The following DYNC1I1 variants were observed in gnomAD, a reference collection of about 807,000 sequenced individuals.
DYNC1I1 encodes dynein cytoplasmic 1 intermediate chain 1.
In DYNC1I1, 43 loss-of-function variants were observed where a neutral mutation model predicts 86.6. The observed-to-expected ratio is 0.50, with a 90% CI of 0.39 to 0.64. The LOEUF is 0.64. Ranked by LOEUF, DYNC1I1 falls within the 30% of genes least tolerant of loss-of-function variation. The probability of loss-of-function intolerance (pLI) is 0.00; values close to 1 mark genes in which losing one functional copy is unlikely to be tolerated. For missense variants in DYNC1I1, 604 were observed against 788.8 expected (o/e 0.77, Z 2.81); for synonymous variants, 262 against 283.7 (o/e 0.92, Z 0.77).
chr7:95,811,547 A>C (rs950043237), intron 3 of DYNC1I1, among the ~76,000 whole-genome samples: 2 of 152,154 alleles, frequency 1.3e-5, no homozygotes, highest in African/African-American at 4.8e-5. Context: ...TAAGCTTAAA[A>C]ATTATTAAGT....
chr7:95,853,366 C>A (rs1180257811), intron 5 of DYNC1I1, among the ~76,000 whole-genome samples: 1 of 152,142 alleles, frequency 6.6e-6, no homozygotes, highest in African/African-American at 2.4e-5. Context: ...GTCTCTCTTA[C>A]CCTCTTCTTG....
chr7:95,992,567 G>A (rs562526579), intron 9 of DYNC1I1, among the ~76,000 whole-genome samples: 4 of 152,204 alleles, frequency 2.6e-5, no homozygotes, highest in Non-Finnish European at 4.4e-5. Context: ...ACATATCAGT[G>A]TCTGGTTCAT....
chr7:95,876,418 A>G (rs1211227718), intron 6 of DYNC1I1, among the ~76,000 whole-genome samples: 3 of 152,150 alleles, frequency 2.0e-5, no homozygotes, highest in Admixed American at 6.5e-5. Flanking sequence ...TTCTCCCTCA[A>G]TTAAACTTGG....
chr7:96,065,683 G>A (rs1343905857), intron 14 of DYNC1I1, among the ~76,000 whole-genome samples: 1 of 152,014 alleles, frequency 6.6e-6, no homozygotes, highest in Non-Finnish European at 1.5e-5. Flanking sequence ...CCACCGCGCC[G>A]AGCATCCCGG....
At chr7:96,084,817 G>A (rs1163757433) in intron 16 of DYNC1I1, among the ~76,000 whole-genome samples, 4 of 152,220 alleles carry the variant, frequency 2.6e-5, no homozygotes, top group South Asian at 4.2e-4. Context: ...AGCTAAAGCC[G>A]TACTGGAGAT....
chr7:96,002,539 A>T (rs1442473156), intron 10 of DYNC1I1, among the ~76,000 whole-genome samples: 1 of 152,196 alleles, frequency 6.6e-6, no homozygotes, highest in African/African-American at 2.4e-5. Context: ...AATGTGATGT[A>T]TTTAGTGACA....
intron 5 of DYNC1I1, among the ~76,000 whole-genome samples, chr7:95,856,300 C>T (rs1487316987): frequency 6.6e-6 from 1 of 152,224 alleles, no homozygotes; most frequent in East Asian, 1.9e-4. Flanking sequence ...CAATAATACA[C>T]ATGAAGCTGT....
At chr7:95,891,013 G>A (rs1790723113) in intron 6 of DYNC1I1, among the ~76,000 whole-genome samples, 1 of 152,160 alleles carries the variant, frequency 6.6e-6, no homozygotes, top group South Asian at 2.1e-4. Context: ...TTTAAAGATA[G>A]GGTCCTTAAA....
At chr7:95,992,875 T>C (rs141571126) in intron 9 of DYNC1I1, among the ~76,000 whole-genome samples, 244 of 152,250 alleles carry the variant, frequency 1.6e-3, no homozygotes, top group African/African-American at 5.4e-3. Context: ...TCAACCTCTG[T>C]GTTGGAGGCC....
intron 5 of DYNC1I1, among the ~76,000 whole-genome samples, chr7:95,852,689 T>C (rs749189796): frequency 1.3e-5 from 2 of 152,048 alleles, no homozygotes; most frequent in Non-Finnish European, 2.9e-5. Context: ...GTGTTATTAG[T>C]AGAGATGGGG....
chr7:95,789,614 A>G (rs183452859), intron 1 of DYNC1I1, among the ~76,000 whole-genome samples: 2 of 152,256 alleles, frequency 1.3e-5, no homozygotes, highest in Non-Finnish European at 2.9e-5. Context: ...TGTATACCCA[A>G]TGTTAATTTC....
chr7:95,971,169 G>GAT (rs1793160481), intron 6 of DYNC1I1, among the ~76,000 whole-genome samples: 1 of 152,114 alleles, frequency 6.6e-6, no homozygotes, highest in Non-Finnish European at 1.5e-5. Flanking sequence ...ACCTAGAAGG[G>GAT]ATATCTTGGC....
chr7:95,954,621 G>A (rs1792653958), intron 6 of DYNC1I1, among the ~76,000 whole-genome samples: 1 of 152,046 alleles, frequency 6.6e-6, no homozygotes, highest in African/African-American at 2.4e-5. Context: ...GTTTAAAGAT[G>A]TATGGACAAT....
At chr7:96,054,158 C>T (rs1392007474) in intron 14 of DYNC1I1, among the ~76,000 whole-genome samples, 1 of 152,110 alleles carries the variant, frequency 6.6e-6, no homozygotes, top group Non-Finnish European at 1.5e-5. Context: ...CGCAACAGGC[C>T]CTGGTGTGTG....
At chr7:95,816,014 A>ATTT (rs11458012) in intron 4 of DYNC1I1, among the ~76,000 whole-genome samples, 1 of 147,134 alleles carries the variant, frequency 6.8e-6, no homozygotes, top group African/African-American at 2.5e-5. Context: ...CCTCTTATTG[A>ATTT]TTTTTTTTTT....
intron 9 of DYNC1I1, among the ~76,000 whole-genome samples, chr7:95,993,665 C>T (rs1554428076): frequency 6.6e-6 from 1 of 152,146 alleles, no homozygotes; most frequent in Non-Finnish European, 1.5e-5. Flanking sequence ...ATGTGTGTCA[C>T]TGTACGCTTA....
intron 10 of DYNC1I1, among the ~76,000 whole-genome samples, chr7:96,003,880 A>C (rs1037984028): frequency 3.3e-5 from 5 of 152,082 alleles, no homozygotes; most frequent in African/African-American, 1.2e-4. Context: ...CTCCCTCTGC[A>C]AACTAGGTCC....
chr7:95,872,849 T>C (rs1036216142), intron 6 of DYNC1I1, among the ~76,000 whole-genome samples: 2 of 152,212 alleles, frequency 1.3e-5, no homozygotes, highest in African/African-American at 4.8e-5. Context: ...GCTGCCTCTC[T>C]GTTGCCTATT....
At chr7:96,023,002 C>T (rs1173639756) in intron 10 of DYNC1I1, among the ~76,000 whole-genome samples, 1 of 152,088 alleles carries the variant, frequency 6.6e-6, no homozygotes, top group Non-Finnish European at 1.5e-5. Flanking sequence ...ATGCCTGGTG[C>T]TACATGATTG....
Sources: allele counts gnomAD v4.1 joint callset (sites outside exome capture counted in the v4.1 genomes callset), GRCh38; gene constraint gnomAD v4.1.1; transcripts MANE v1.5; gene names NCBI Gene and HGNC (gene_info 2026-07-23, HGNC 2026-07-21).